CTNNA2: variants seen among roughly 807,000 people sequenced by gnomAD.
CTNNA2 encodes catenin alpha 2, also known as catenin alpha-2.
CTNNA2 carries 42 observed loss-of-function variants against 101.0 expected under a neutral mutation model. The observed-to-expected ratio is 0.42, with a 90% CI of 0.32 to 0.54. The LOEUF (loss-of-function observed/expected upper bound fraction) is 0.54. CTNNA2 is among the 20% of genes least tolerant of loss of function. The probability of loss-of-function intolerance (pLI) is 0.14; values close to 1 mark genes in which losing one functional copy is unlikely to be tolerated. For synonymous variants in CTNNA2, 450 were observed against 456.4 expected (o/e 0.99, Z 0.18); for missense variants, 871 against 1,223.1 (o/e 0.71, Z 4.29).
At chr2:79,631,282 C>T (rs1679677975) in intron 1 of CTNNA2, among the ~76,000 whole-genome samples, 1 of 152,110 alleles carries the variant, frequency 6.6e-6, no homozygotes, top group Non-Finnish European at 1.5e-5. Flanking sequence ...TGTATGTAAT[C>T]TCTCTGCCAG....
intron 6 of CTNNA2, among the ~76,000 whole-genome samples, chr2:79,891,748 A>G (rs1684321125): frequency 1.3e-5 from 2 of 152,186 alleles, no homozygotes; most frequent in South Asian, 4.1e-4. Flanking sequence ...ATATTACAAT[A>G]CCTTAGAAAT....
At chr2:80,603,825 A>G (rs1045471258) in intron 15 of CTNNA2, 6 of 432,182 alleles carry the variant, frequency 1.4e-5, no homozygotes, top group African/African-American at 1.0e-4. Context: ...ATAACTGGCC[A>G]TTGTTTAGAA....
chr2:79,557,403 CT>C (rs1403861250), intron 1 of CTNNA2, among the ~76,000 whole-genome samples: 7 of 151,776 alleles, frequency 4.6e-5, no homozygotes, highest in Non-Finnish European at 1.5e-5. Context: ...CAAGAGACAT[CT>C]TGGAGGAGCT....
intron 3 of CTNNA2, among the ~76,000 whole-genome samples, chr2:79,790,682 G>A (rs1350572676): frequency 6.6e-6 from 1 of 152,138 alleles, no homozygotes; most frequent in Non-Finnish European, 1.5e-5. Flanking sequence ...AGAATTATCA[G>A]TTGGCTACCA....
Position 79,826,924 on chromosome 2 carries a change from A to C in CTNNA2, c.299-31089A>C, listed in dbSNP as rs552461033. Among the ~76,000 whole-genome samples, 17 of 152,360 alleles carry C rather than the reference A, an allele frequency of 1.1e-4. No homozygotes were observed. The East Asian group carries it at 3.3e-3, about 29-fold the overall frequency. Reference sequence around the variant, plus strand: ...AAGAGAGTCATTAAACTGGCTTCGGAGACACTGGCCACTTTATTAACAACA... The same window carrying C: ...AAGAGAGTCATTAAACTGGCTTCGGCGACACTGGCCACTTTATTAACAACA... On this transcript the variant is annotated intron_variant, in intron 3 of 18. Coordinates refer to ENST00000402739, the MANE Select transcript of CTNNA2 (RefSeq NM_001282597.3).
At chr2:80,235,182 A>G (rs891008578) in intron 7 of CTNNA2, among the ~76,000 whole-genome samples, 1 of 152,172 alleles carries the variant, frequency 6.6e-6, no homozygotes, top group Admixed American at 6.5e-5. Context: ...TTAAATGTTC[A>G]AATATGCATA....
At chr2:80,199,578 G>A (rs1707074180) in intron 7 of CTNNA2, among the ~76,000 whole-genome samples, 1 of 152,166 alleles carries the variant, frequency 6.6e-6, no homozygotes, top group Admixed American at 6.5e-5. Context: ...GGAGGTGAGA[G>A]CCAGAATGAG....
chr2:79,864,693 T>C (rs1223514582), intron 4 of CTNNA2, among the ~76,000 whole-genome samples: 1 of 152,160 alleles, frequency 6.6e-6, no homozygotes, highest in African/African-American at 2.4e-5. Context: ...TGAATAGAAC[T>C]TGGAGACCAA....
At chr2:79,501,689 C>G (rs1199051303) in intron 4 of CTNNA2, among the ~76,000 whole-genome samples, 1 of 152,134 alleles carries the variant, frequency 6.6e-6, no homozygotes, top group African/African-American at 2.4e-5. Context: ...ATTGTAGTTT[C>G]AGGGAAGATC....
chr2:79,997,227 C>T (rs1692613589), intron 7 of CTNNA2, among the ~76,000 whole-genome samples: 1 of 151,946 alleles, frequency 6.6e-6, no homozygotes, highest in African/African-American at 2.4e-5. Context: ...GTTTTTCTAG[C>T]TGCACTATTT....
chr2:80,346,445 G>T (rs919040661), intron 7 of CTNNA2, among the ~76,000 whole-genome samples: 2 of 152,176 alleles, frequency 1.3e-5, no homozygotes, highest in African/African-American at 2.4e-5. Flanking sequence ...TCACCATGGG[G>T]ATGGCACAAG....
chr2:80,440,095 A>G (rs543208385), intron 9 of CTNNA2, among the ~76,000 whole-genome samples: 21 of 152,338 alleles, frequency 1.4e-4, no homozygotes, highest in African/African-American at 5.0e-4. Flanking sequence ...ATAGGGTCAC[A>G]GTTTTAAGTA....
chr2:79,680,125 G>T (rs2104634556), intron 2 of CTNNA2, among the ~76,000 whole-genome samples: 1 of 152,046 alleles, frequency 6.6e-6, no homozygotes, highest in East Asian at 1.9e-4. Context: ...TTGCCTCTCG[G>T]TGGCCACTTT....
At chr2:79,791,672 AG>A (rs1206075930) in intron 3 of CTNNA2, among the ~76,000 whole-genome samples, 3 of 152,224 alleles carry the variant, frequency 2.0e-5, no homozygotes, top group African/African-American at 7.2e-5. Flanking sequence ...AGAAAGAAGT[AG>A]GAGTATTCTC....
intron 4 of CTNNA2, among the ~76,000 whole-genome samples, chr2:79,473,363 G>C (rs1671020833): frequency 6.6e-6 from 1 of 151,830 alleles, no homozygotes. Flanking sequence ...AAGAAACTCA[G>C]AGAATACCAA....
intron 7 of CTNNA2, among the ~76,000 whole-genome samples, chr2:80,017,586 A>G (rs1694246972): frequency 6.6e-6 from 1 of 152,018 alleles, no homozygotes; most frequent in Admixed American, 6.6e-5. Flanking sequence ...CCGCCCCCAG[A>G]TAATCTTATT....
intron 6 of CTNNA2, among the ~76,000 whole-genome samples, chr2:79,891,820 A>C (rs1034929608): frequency 1.3e-5 from 2 of 151,150 alleles, no homozygotes; most frequent in Non-Finnish European, 3.0e-5. Flanking sequence ...ACAACCTGAA[A>C]ATATATATAT....
chr2:79,595,091 G>T (rs1428375874), intron 1 of CTNNA2, among the ~76,000 whole-genome samples: 6 of 151,922 alleles, frequency 3.9e-5, no homozygotes, highest in Non-Finnish European at 8.8e-5. Context: ...TAGTCCACTC[G>T]GACTCTCTTC....
chr2:79,260,641 T>A (rs1334557839), intron 2 of CTNNA2, among the ~76,000 whole-genome samples: 1 of 152,096 alleles, frequency 6.6e-6, no homozygotes. Flanking sequence ...ACCCAGCAAG[T>A]TTGTCTTCAG....
Sources: gnomAD v4.1 joint callset for allele counts (sites outside exome capture counted in the v4.1 genomes callset) on GRCh38, gnomAD v4.1.1 for gene constraint, MANE v1.5 for transcripts, NCBI Gene and HGNC (gene_info 2026-07-23, HGNC 2026-07-21) for gene names.